The following RUNDC3B variants were observed in gnomAD, a reference collection of about 807,000 sequenced individuals.
RUNDC3B encodes the protein RUN domain-containing protein 3B.
RUNDC3B carries 33 observed loss-of-function variants against 58.4 expected under a neutral mutation model. The observed-to-expected ratio is 0.56, with a 90% CI of 0.43 to 0.75. The LOEUF is 0.75. RUNDC3B is among the 30% of genes least tolerant of loss of function. The pLI, the probability that RUNDC3B is intolerant of heterozygous loss-of-function variation, is 0.00. For synonymous variants in RUNDC3B, 193 were observed against 195.2 expected (o/e 0.99, Z 0.10); for missense variants, 501 against 535.7 (o/e 0.94, Z 0.64).
chr7:87,644,272 A>T (rs1425276643), intron 1 of RUNDC3B, among the ~76,000 whole-genome samples: 2 of 152,248 alleles, frequency 1.3e-5, no homozygotes, highest in Admixed American at 1.3e-4. Context: ...TATCACCTAT[A>T]GTCACTGCTT....
intron 4 of RUNDC3B, among the ~76,000 whole-genome samples, chr7:87,719,231 A>T (rs1830727221): frequency 6.6e-6 from 1 of 151,956 alleles, no homozygotes; most frequent in Admixed American, 6.6e-5. Context: ...CCTGAAAAAT[A>T]TAAAATTAAA....
intron 1 of RUNDC3B, among the ~76,000 whole-genome samples, chr7:87,645,663 C>T (rs1380483140): frequency 6.6e-6 from 1 of 152,136 alleles, no homozygotes; most frequent in African/African-American, 2.4e-5. Flanking sequence ...CAGGAAATAG[C>T]TCAGCATCTG....
chr7:87,726,812 A>C (rs548992086), intron 4 of RUNDC3B, among the ~76,000 whole-genome samples: 42 of 152,128 alleles, frequency 2.8e-4, no homozygotes, highest in Non-Finnish European at 4.6e-4. Flanking sequence ...CATCCCTTGT[A>C]AGTTGGATTC....
chr7:87,668,876 G>A (rs1288225196), intron 2 of RUNDC3B, among the ~76,000 whole-genome samples: 1 of 152,102 alleles, frequency 6.6e-6, no homozygotes, highest in Non-Finnish European at 1.5e-5. Context: ...TACATTTGTT[G>A]AGGATTGTTT....
intron 2 of RUNDC3B, among the ~76,000 whole-genome samples, chr7:87,651,593 A>G (rs1397858248): frequency 6.6e-6 from 1 of 152,146 alleles, no homozygotes; most frequent in Non-Finnish European, 1.5e-5. Flanking sequence ...GGTCTTCCTA[A>G]AGCAAACTTG....
At chr7:87,733,189 C>T (rs1227997721) in intron 4 of RUNDC3B, among the ~76,000 whole-genome samples, 4 of 152,160 alleles carry the variant, frequency 2.6e-5, no homozygotes, top group Admixed American at 2.6e-4. Context: ...ATTCCTAGAG[C>T]TATGAACATC....
At chr7:87,647,744 C>T (rs536336694) in intron 1 of RUNDC3B, among the ~76,000 whole-genome samples, 1 of 152,040 alleles carries the variant, frequency 6.6e-6, no homozygotes, top group Non-Finnish European at 1.5e-5. Context: ...CAAACCATTA[C>T]ATAACTAACA....
At chr7:87,783,179 A>ATGTG (rs372043739) in intron 8 of RUNDC3B, among the ~76,000 whole-genome samples, 1 of 148,706 alleles carries the variant, frequency 6.7e-6, no homozygotes, top group East Asian at 2.0e-4. Context: ...GTGTTTGTGT[A>ATGTG]TGTGTGTGTG....
chr7:87,728,171 C>T (rs1040777803), intron 4 of RUNDC3B, among the ~76,000 whole-genome samples: 2 of 152,136 alleles, frequency 1.3e-5, no homozygotes, highest in African/African-American at 4.8e-5. Flanking sequence ...TAGAAATCTG[C>T]TATAAAATTC....
chr7:87,824,065 T>C (rs1837657373), intron 10 of RUNDC3B, among the ~76,000 whole-genome samples: 1 of 152,190 alleles, frequency 6.6e-6, no homozygotes, highest in South Asian at 2.1e-4. Context: ...TTAAAATTGA[T>C]ACATAATGGA....
chr7:87,703,885 CTTTTTTTTTTTTTTTTTTT>C, intron 3 of RUNDC3B, among the ~76,000 whole-genome samples: 1 of 60,282 alleles, frequency 1.7e-5, no homozygotes, highest in Non-Finnish European at 3.2e-5. Context: ...TCAGTTTTTT[CTTTTTTTTTTTTTTTTTTT>C]TTTTTTTTGG....
chr7:87,719,817 A>G (rs1328416293), intron 4 of RUNDC3B, among the ~76,000 whole-genome samples: 1 of 151,780 alleles, frequency 6.6e-6, no homozygotes, highest in East Asian at 1.9e-4. Context: ...CACATTATAT[A>G]AAATAATAAT....
chr7:87,731,041 A>G (rs1175617655), intron 4 of RUNDC3B, among the ~76,000 whole-genome samples: 1 of 152,200 alleles, frequency 6.6e-6, no homozygotes, highest in Admixed American at 6.5e-5. Context: ...CTACGTGGCT[A>G]CAGTGACCAA....
At chr7:87,710,835 C>T (rs972940564) in intron 4 of RUNDC3B, among the ~76,000 whole-genome samples, 180 bp downstream of exon 4, 2 of 152,178 alleles carry the variant, frequency 1.3e-5, no homozygotes. Context: ...ACTAAACATA[C>T]ATCTACCTTT....
intron 6 of RUNDC3B, among the ~76,000 whole-genome samples, chr7:87,767,820 G>A (rs1030113761): frequency 6.6e-6 from 1 of 152,158 alleles, no homozygotes; most frequent in Non-Finnish European, 1.5e-5. Context: ...AGGTAGGAAT[G>A]CAATCAGCTT....
At chr7:87,735,344 G>T (rs1189277000) in intron 4 of RUNDC3B, among the ~76,000 whole-genome samples, 2 of 152,200 alleles carry the variant, frequency 1.3e-5, no homozygotes, top group African/African-American at 4.8e-5. Flanking sequence ...GTTGCCTAAG[G>T]CTCACCTGTT....
At chr7:87,748,952 T>C (rs1472646262) in intron 6 of RUNDC3B, among the ~76,000 whole-genome samples, 1 of 152,184 alleles carries the variant, frequency 6.6e-6, no homozygotes, top group Non-Finnish European at 1.5e-5. Context: ...CATAAAATTA[T>C]ACTGTTTTGG....
intron 2 of RUNDC3B, among the ~76,000 whole-genome samples, chr7:87,698,989 A>G (rs1395942100): frequency 6.6e-6 from 1 of 152,186 alleles, no homozygotes; most frequent in African/African-American, 2.4e-5. Flanking sequence ...AAAAATTCAA[A>G]TGCTTACATC....
At chr7:87,693,971 G>A (rs1828254898) in intron 2 of RUNDC3B, 2 of 1,611,304 alleles carry the variant, frequency 1.2e-6, no homozygotes, top group African/African-American at 1.3e-5. Context: ...ACTCTATGCT[G>A]GTGATGTCTC....
Sources: allele counts gnomAD v4.1 joint callset (sites outside exome capture counted in the v4.1 genomes callset), GRCh38; gene constraint gnomAD v4.1.1; transcripts MANE v1.5; gene names NCBI Gene and HGNC (gene_info 2026-07-23, HGNC 2026-07-21).